Variants in MGAT5 observed in about 807,000 individuals in gnomAD.
MGAT5 encodes alpha-1,6-mannosylglycoprotein 6-beta-N-acetylglucosaminyltransferase.
In MGAT5, 30 loss-of-function variants were observed where a neutral mutation model predicts 94.3. The observed-to-expected ratio is 0.32, with a 90% confidence interval of 0.24 to 0.43. MGAT5 has a LOEUF of 0.43. Among genes scored for constraint, MGAT5 ranks in the 20% least tolerant of loss-of-function variants. The pLI, the probability that MGAT5 is intolerant of heterozygous loss-of-function variation, is 1.00. For missense variants in MGAT5, 691 were observed against 905.5 expected, an observed-to-expected ratio of 0.76 and a Z score of 3.04; for synonymous variants, 310 against 322.9, an observed-to-expected ratio of 0.96 and a Z score of 0.43.
At chr2:134,429,778 T>C (rs1684785140) in intron 14 of MGAT5, among the ~76,000 whole-genome samples, 1 of 152,224 alleles carries the variant, frequency 6.6e-6, no homozygotes, top group Admixed American at 6.5e-5. Context: ...AGAATGACAG[T>C]ATCATCACAA....
intron 3 of MGAT5, 50 bp from the exon 4 acceptor site, chr2:134,318,600 A>G (rs1687139346): frequency 1.5e-6 from 2 of 1,337,252 alleles, no homozygotes; most frequent in Non-Finnish European, 2.2e-6. Context: ...CTGTCAGCAG[A>G]TGTGGAGGGC....
intron 1 of MGAT5, among the ~76,000 whole-genome samples, chr2:134,169,968 G>T (rs1319768477): frequency 6.6e-6 from 1 of 151,802 alleles, no homozygotes; most frequent in Admixed American, 6.5e-5. Flanking sequence ...ACTTTTTTTT[G>T]AATCTTACAG....
intron 1 of MGAT5, among the ~76,000 whole-genome samples, chr2:134,240,743 T>A (rs955178985): frequency 6.6e-6 from 1 of 152,302 alleles, no homozygotes; most frequent in South Asian, 2.1e-4. Flanking sequence ...TAGTATTTTT[T>A]AAAAAATCAA....
intron 2 of MGAT5, among the ~76,000 whole-genome samples, chr2:134,278,509 A>C (rs1228628290): frequency 1.3e-5 from 2 of 152,248 alleles, no homozygotes; most frequent in African/African-American, 4.8e-5. Context: ...CACATGGGTC[A>C]CCCCTGGGAA....
chr2:134,362,269 C>T lies in MGAT5; in HGVS notation c.1247-6C>T, dbSNP rs749581051. On this transcript the variant is annotated splice_region_variant and splice_polypyrimidine_tract_variant and intron_variant, in intron 9 of 15. Transcript: ENST00000281923. ...TAACTGTCCTCTCCATTTCTTTGCA[C>T]ACCAGCTCATACCCCAGACAACAGC... 1.2e-6 allele frequency: 2 copies of T among 1,612,842 alleles called. No individual in the cohort carries two copies. Among genetic ancestry groups the T allele is most frequent in the Non-Finnish European group, 1.7e-6 (2 of 1,179,340 alleles).
chr2:134,354,695 C>A (rs1461685643), intron 9 of MGAT5, among the ~76,000 whole-genome samples: 1 of 152,168 alleles, frequency 6.6e-6, no homozygotes, highest in Non-Finnish European at 1.5e-5. Flanking sequence ...GTGGTGTCCA[C>A]ATAAACTATT....
At chr2:134,388,439 A>T (rs1028098622) in intron 10 of MGAT5, among the ~76,000 whole-genome samples, 3 of 151,194 alleles carry the variant, frequency 2.0e-5, no homozygotes, top group Admixed American at 1.3e-4. Context: ...AAGATCTTTA[A>T]AAAAAAAACC....
At chr2:134,337,612 C>T (rs111805284) in intron 5 of MGAT5, among the ~76,000 whole-genome samples, 1 of 152,106 alleles carries the variant, frequency 6.6e-6, no homozygotes, top group Non-Finnish European at 1.5e-5. Context: ...TCCAATCACT[C>T]GTTGTATCCA....
chr2:134,358,042 ATTC>A (rs1442180148), intron 9 of MGAT5, among the ~76,000 whole-genome samples: 2 of 152,192 alleles, frequency 1.3e-5, no homozygotes, highest in East Asian at 1.9e-4. Context: ...GACAATCAGT[ATTC>A]TTCTTCAGTA....
At chr2:134,374,105 G>A (rs1681002782) in intron 10 of MGAT5, among the ~76,000 whole-genome samples, 1 of 152,146 alleles carries the variant, frequency 6.6e-6, no homozygotes, top group Non-Finnish European at 1.5e-5. Context: ...AAAGTTAGTT[G>A]TATGATTTTA....
At chr2:134,199,992 G>A (rs1679700889) in intron 1 of MGAT5, among the ~76,000 whole-genome samples, 1 of 152,152 alleles carries the variant, frequency 6.6e-6, no homozygotes, top group African/African-American at 2.4e-5. Context: ...TCATTGATTA[G>A]AGGTACAATT....
rs571801620 is a variant in MGAT5 at position 134,342,632 on chromosome 2, G to A, written c.977+873G>A. Reference sequence around the variant, plus strand: ...CCGGGTGTGGTGGCCCATGCCTGTAGTCCCATCTACTCGAGAGGCAGAGGC... The same window carrying A: ...CCGGGTGTGGTGGCCCATGCCTGTAATCCCATCTACTCGAGAGGCAGAGGC... On this transcript the variant is annotated intron_variant, in intron 7 of 15. Coordinates refer to ENST00000281923, the MANE Select transcript of MGAT5 (RefSeq NM_002410.5). 1.2e-4 allele frequency among the ~76,000 whole-genome samples: 18 copies of A among 150,710 alleles called. No homozygotes were observed. In the East Asian group the frequency reaches 3.3e-3, roughly 28 times the overall value.
chr2:134,446,700 G>C (rs1007703415), intron 15 of MGAT5, among the ~76,000 whole-genome samples: 1 of 152,214 alleles, frequency 6.6e-6, no homozygotes, highest in African/African-American at 2.4e-5. Context: ...AGCAGGGGTG[G>C]TGGGGTATTT....
In MGAT5 at chr2:134,374,051, C is replaced by T. The variant is rs78407781; in HGVS notation, c.1380+11643C>T. ...GCAAAATCACAGCAGTAGAAGGAAA[C>T]AGAAGTGTGTGTAGATTTCTGCCTT... On this transcript the variant is annotated intron_variant, in intron 10 of 15. Transcript: ENST00000281923. Among the ~76,000 whole-genome samples the T allele has an allele frequency of 2.5e-3, 376 of 152,282 alleles. 7 individuals are homozygous for T. The highest frequency in any genetic ancestry group is 8.4e-3 in the African/African-American group (350 of 41,564).
At chr2:134,159,100 C>G in intron 1 of MGAT5, among the ~76,000 whole-genome samples, 1 of 151,950 alleles carries the variant, frequency 6.6e-6, no homozygotes, top group Non-Finnish European at 1.5e-5. Flanking sequence ...TTACCTGTTT[C>G]TATTTATCTT....
intron 10 of MGAT5, among the ~76,000 whole-genome samples, chr2:134,401,931 G>A (rs139095178): frequency 2.0e-5 from 3 of 152,258 alleles, no homozygotes; most frequent in South Asian, 2.1e-4. Context: ...ATCATGAATC[G>A]CTTCATTTAG....
Position 134,454,043 on chromosome 2 carries a change from A to T in MGAT5, c.*5196A>T, listed in dbSNP as rs1434262216. The T allele has an allele frequency of 6.6e-6, 1 of 152,138 alleles. No homozygotes were observed. Among genetic ancestry groups the T allele is most frequent in the Non-Finnish European group, 1.5e-5 (1 of 68,032 alleles). 9.4% of individuals were successfully genotyped at this position (152,138 alleles called of 1,614,324 possible). ...TCGTCCTGTGGATGCAGTGACTGGA[A>T]TTTCCCATCTGCAAAGCATCTCTGT... On this transcript the variant is annotated 3_prime_UTR_variant, in exon 16 of 16. Transcript: ENST00000281923.
rs558658920 is a variant in MGAT5, at chr2:134,140,297, G to A, written c.-143+20006G>A. ...CGGCCTGGGTGTGGGAGCTGTGGCC[G>A]TTCCACCGTGGGAAAGGAGAGATGG... is the stretch of plus-strand genomic sequence containing the variant. On this transcript the variant is annotated intron_variant, in intron 1 of 16. Coordinates refer to the MGAT5 transcript ENST00000409645. Among the ~76,000 whole-genome samples the A allele has an allele frequency of 1.4e-3, 208 of 152,342 alleles. 2 individuals carry two copies. The South Asian group carries it at 0.017, about 12-fold the overall frequency.
intron 2 of MGAT5, among the ~76,000 whole-genome samples, chr2:134,289,361 G>A (rs182802851): frequency 1.1e-4 from 17 of 152,238 alleles, no homozygotes; most frequent in Non-Finnish European, 1.0e-4. Context: ...CTAAGTCCTT[G>A]CCAATACTGC....
Sources: gnomAD v4.1 joint callset for allele counts (sites outside exome capture counted in the v4.1 genomes callset) on GRCh38, gnomAD v4.1.1 for gene constraint, MANE v1.5 for transcripts, NCBI Gene and HGNC (gene_info 2026-07-23, HGNC 2026-07-21) for gene names.